HMBOX1: variants seen among roughly 807,000 people sequenced by gnomAD.
HMBOX1 encodes the protein homeobox-containing protein 1.
Under a neutral mutation model 54.5 loss-of-function variants are expected in HMBOX1, and 14 were observed. The ratio of observed to expected loss-of-function variants is 0.26; its 90% CI spans 0.17 to 0.40. The LOEUF is 0.40. Ranked by LOEUF, HMBOX1 falls within the 10% of genes least tolerant of loss-of-function variation. HMBOX1 has a pLI of 1.00. For synonymous variants in HMBOX1, 160 were observed against 181.0 expected (o/e 0.88, Z 0.93); for missense variants, 332 against 514.4 (o/e 0.65, Z 3.43).
intron 6 of HMBOX1, among the ~76,000 whole-genome samples, chr8:29,042,065 A>T (rs1419598305): frequency 1.3e-5 from 2 of 152,170 alleles, no homozygotes; most frequent in African/African-American, 2.4e-5. Context: ...CCTTGATTGT[A>T]AGACACACCT....
In HMBOX1 at chr8:28,963,511, T is replaced by A. The variant is rs561863126; in HGVS notation, c.-57-300T>A. Among the ~76,000 whole-genome samples the A allele has an allele frequency of 3.9e-5, 6 of 152,336 alleles. No individual in the cohort carries two copies. The East Asian group carries it at 1.2e-3, about 29-fold the overall frequency. On this transcript the variant is annotated intron_variant, in intron 1 of 9. Coordinates refer to ENST00000287701, the MANE Select transcript of HMBOX1 (RefSeq NM_001135726.3). ...TTAACTTTTGTCTAATTTATAATCT[T>A]AGAGTTAATGGAAATCAGTGCCTCT... is the stretch of plus-strand genomic sequence containing the variant.
chr8:29,035,967 A>G (rs1803790369), intron 6 of HMBOX1, among the ~76,000 whole-genome samples: 1 of 152,218 alleles, frequency 6.6e-6, no homozygotes, highest in South Asian at 2.1e-4. Flanking sequence ...CAATTGTTAC[A>G]TAGTAATAAG....
At chr8:28,976,950 C>A (rs1828502007) in intron 3 of HMBOX1, among the ~76,000 whole-genome samples, 1 of 151,916 alleles carries the variant, frequency 6.6e-6, no homozygotes. Flanking sequence ...CTCAAGTGAT[C>A]CGCCCGCCTC....
rs142394994 is a variant in HMBOX1 at position 28,992,528 on chromosome 8, T to A, written c.586+12372T>A. ...TTGAACAATAAATTTACTTTTTATG[T>A]TAGAAAATTTATTCATGTGGTTCAA... On this transcript the variant is annotated intron_variant, in intron 4 of 9. Coordinates refer to ENST00000287701, the MANE Select transcript of HMBOX1 (RefSeq NM_001135726.3). Among the ~76,000 whole-genome samples, 904 of 152,142 alleles carry A rather than the reference T, an allele frequency of 5.9e-3. 7 individuals are homozygous for A. The highest frequency in any genetic ancestry group is 0.021 in the African/African-American group (861 of 41,516).
intron 4 of HMBOX1, among the ~76,000 whole-genome samples, chr8:29,004,056 G>A (rs1475100162): frequency 6.6e-6 from 1 of 152,136 alleles, no homozygotes. Context: ...TAGTAAATAT[G>A]TAAGAGTGTG....
intron 4 of HMBOX1, among the ~76,000 whole-genome samples, chr8:29,004,903 C>T (rs143900119): frequency 6.6e-6 from 1 of 152,258 alleles, no homozygotes; most frequent in African/African-American, 2.4e-5. Flanking sequence ...GTTCAAGGAG[C>T]CTTACCCATC....
chr8:29,023,087 TCAGGTACTATTTTTATTTACATAGCTAGA>T (rs1192759021), intron 6 of HMBOX1, among the ~76,000 whole-genome samples: 51 of 152,172 alleles, frequency 3.4e-4, no homozygotes, highest in Non-Finnish European at 4.4e-5. Context: ...ATACTGCTAT[TCAGGTACTATTTTTATTTACATAGCTAGA>T]TAGGTATAGA....
intron 6 of HMBOX1, among the ~76,000 whole-genome samples, chr8:29,042,231 G>A (rs1563636734): frequency 6.6e-6 from 1 of 152,126 alleles, no homozygotes; most frequent in Non-Finnish European, 1.5e-5. Context: ...AGGAAAGAAA[G>A]GAGAGTTGAG....
chr8:28,973,519 A>ATATTTTGAGCAGTGGATC (rs1290963657), intron 3 of HMBOX1, among the ~76,000 whole-genome samples: 3 of 152,172 alleles, frequency 2.0e-5, no homozygotes, highest in Admixed American at 1.3e-4. Context: ...TGTTAGAGAA[A>ATATTTTGAGCAGTGGATC]TATTTTGAGC....
At chr8:28,964,105 C>T (rs1483336154) in intron 2 of HMBOX1, among the ~76,000 whole-genome samples, 1 of 152,148 alleles carries the variant, frequency 6.6e-6, no homozygotes, top group African/African-American at 2.4e-5. Flanking sequence ...TCAGCCTTCT[C>T]TTACCATTTC....
rs767993046 is a variant in HMBOX1, at chr8:28,970,404, A to C, written c.385A>C (p.Asn129His). ...GAATAATGAGCGATTATCTACATCC[A>C]ATGGAAAGATGTCACCAACTCGCTA... ...RENNERLSTSNGKMSPTRYHA... is the reference protein window; with the variant it reads ...RENNERLSTSHGKMSPTRYHA... Residue 129 changes from asparagine to histidine, a missense_variant, in exon 3 of 10, where the codon AAT becomes CAT. Asn to His is a moderately conservative substitution (Grantham distance 68). This residue lies in a region of HMBOX1 where 146 missense variants were observed against 173.3 expected (regional missense o/e 0.84). Transcript: ENST00000287701. The surrounding 1 kb of genome is among the most constrained non-coding windows in gnomAD (Gnocchi z 4.3). 6.2e-7 allele frequency: 1 copy of C among 1,614,174 alleles called. No individual in the cohort carries two copies. Among genetic ancestry groups the C allele is most frequent in the South Asian group, 1.1e-5 (1 of 91,090 alleles).
intron 9 of HMBOX1, 120 bp from the exon 10 acceptor site, chr8:29,050,898 T>G: frequency 1.5e-5 from 13 of 866,804 alleles, no homozygotes; most frequent in Non-Finnish European, 2.3e-5. Context: ...TATTTTATCA[T>G]GAGCCCCTCC....
intron 1 of HMBOX1, among the ~76,000 whole-genome samples, chr8:28,937,090 C>T (rs914848226): frequency 1.8e-4 from 28 of 151,932 alleles, no homozygotes; most frequent in Admixed American, 4.6e-4. Flanking sequence ...TCAGCCAGAC[C>T]GGAAGGAAGA....
At chr8:28,960,781 T>TGG (rs1563473087) in intron 1 of HMBOX1, among the ~76,000 whole-genome samples, 1 of 45,346 alleles carries the variant, frequency 2.2e-5, no homozygotes, top group Non-Finnish European at 4.6e-5. Context: ...TTTTTTTTTT[T>TGG]TTTTTTTTTT....
At chr8:28,977,953 A>T (rs1039275990) in intron 3 of HMBOX1, among the ~76,000 whole-genome samples, 1 of 151,996 alleles carries the variant, frequency 6.6e-6, no homozygotes, top group East Asian at 1.9e-4. Context: ...CCAAAAAAAA[A>T]AAAAAGAAAG....
At chr8:28,905,643 G>A (rs1035695569) in intron 1 of HMBOX1, among the ~76,000 whole-genome samples, 11 of 152,150 alleles carry the variant, frequency 7.2e-5, no homozygotes, top group African/African-American at 1.7e-4. Flanking sequence ...GCTAGGTTTC[G>A]GTTCCTTTCA....
chr8:28,891,609 G>A (rs1810981026), intron 1 of HMBOX1: 1 of 152,264 alleles, frequency 6.6e-6, no homozygotes, highest in East Asian at 1.9e-4. Context: ...TAAGGAGACG[G>A]AATGTCTGTT....
chr8:28,916,658 T>G (rs1816613752), intron 1 of HMBOX1, among the ~76,000 whole-genome samples: 1 of 152,236 alleles, frequency 6.6e-6, no homozygotes, highest in Non-Finnish European at 1.5e-5. Context: ...TATTATTCTA[T>G]TCTATTGATC....
intron 6 of HMBOX1, among the ~76,000 whole-genome samples, chr8:29,025,097 A>G (rs1272084075): frequency 6.6e-6 from 1 of 152,222 alleles, no homozygotes. Flanking sequence ...TAACCTATGC[A>G]TGACTGCTGA....
Sources: gnomAD v4.1 joint callset for allele counts (sites outside exome capture counted in the v4.1 genomes callset) on GRCh38, gnomAD v4.1.1 for gene constraint, gnomAD v4.1.1 regional missense constraint, Gnocchi (gnomAD v3.1) non-coding constraint, MANE v1.5 for transcripts, NCBI Gene and HGNC (gene_info 2026-07-23, HGNC 2026-07-21) for gene names.